TLK1: variants seen among roughly 807,000 people sequenced by gnomAD.
TLK1 encodes the protein serine/threonine-protein kinase tousled-like 1.
TLK1 carries 24 observed loss-of-function variants against 105.3 expected under a neutral mutation model. The ratio of observed to expected loss-of-function variants is 0.23; its 90% CI spans 0.17 to 0.32. The LOEUF (loss-of-function observed/expected upper bound fraction) is 0.32, where lower values mean the gene tolerates loss of function less well. Among genes scored for constraint, TLK1 ranks in the 10% least tolerant of loss-of-function variants. The probability of loss-of-function intolerance (pLI) is 1.00; values close to 1 mark genes in which losing one functional copy is unlikely to be tolerated. For synonymous variants in TLK1, 321 were observed against 310.4 expected (o/e 1.03, Z -0.36); for missense variants, 558 against 910.5 (o/e 0.61, Z 4.98).
At position 171,050,112 on chromosome 2, in the gene TLK1, T is replaced by C. The variant is rs1575552729; in HGVS notation, c.795A>G (p.Glu265=). 2 of 1,599,862 alleles carry C rather than the reference T, an allele frequency of 1.3e-6. No homozygotes were observed. The highest frequency in any genetic ancestry group is 1.7e-6 in the Non-Finnish European group (2 of 1,170,870). The change falls in exon 9 of 21, where the codon GAA becomes GAG. Residue 265 remains glutamate (E), a synonymous_variant. Coordinates refer to ENST00000431350, the MANE Select transcript of TLK1 (RefSeq NM_012290.5). ...TCATTGATATGCACTTATTTAATCG[T>C]TCTTTGTATTTTTCAAGTAATTTTT... ...EQQKLLEKYK[E]RLNKCISMSK...
intron 3 of TLK1, chr2:171,081,613 G>A: frequency 7.8e-7 from 1 of 1,286,454 alleles, no homozygotes; most frequent in Non-Finnish European, 1.0e-6. Context: ...CTGATAATCT[G>A]ATGCTACAGG....
intron 12 of TLK1, among the ~76,000 whole-genome samples, chr2:171,018,948 AACT>A (rs939714929): frequency 6.6e-6 from 1 of 152,190 alleles, no homozygotes; most frequent in African/African-American, 2.4e-5. Flanking sequence ...TTCAAACAAA[AACT>A]ACAATGGAAA....
chr2:171,063,584 A>G (rs767967840), intron 3 of TLK1, among the ~76,000 whole-genome samples: 1 of 152,216 alleles, frequency 6.6e-6, no homozygotes, highest in African/African-American at 2.4e-5. Flanking sequence ...ACAAAATGTT[A>G]TAATTCTGAA....
chr2:171,099,146 G>A (rs548354296), intron 2 of TLK1, among the ~76,000 whole-genome samples: 185 of 152,140 alleles, frequency 1.2e-3, no homozygotes, highest in African/African-American at 4.1e-3. Context: ...AACTATTAAA[G>A]CTAATAAGTT....
chr2:171,062,821 T>C (rs1297773052), intron 3 of TLK1, among the ~76,000 whole-genome samples: 1 of 152,216 alleles, frequency 6.6e-6, no homozygotes, highest in African/African-American at 2.4e-5. Flanking sequence ...AAACTCAATA[T>C]GTCCAATGAA....
At chr2:171,028,599 A>G (rs564234551) in intron 11 of TLK1, among the ~76,000 whole-genome samples, 194 bp from the exon 12 acceptor site, 28 of 152,348 alleles carry the variant, frequency 1.8e-4, no homozygotes, top group African/African-American at 5.5e-4. Context: ...AACTAATTCT[A>G]CAATGCTTTA....
In TLK1 at chr2:171,133,758, AT is replaced by A. The variant is rs552762859; in HGVS notation, c.140-15902del. ...AGGAGCAACATGTTTCAGACTTCTG[AT>A]TTTTTTTTTTTTTTAATATTTGAGT... On this transcript the variant is annotated intron_variant, in intron 1 of 20. Coordinates refer to ENST00000431350, the MANE Select transcript of TLK1 (RefSeq NM_012290.5). 9.9e-3 allele frequency among the ~76,000 whole-genome samples: 1,433 copies of A among 144,204 alleles called. 10 individuals carry two copies. The highest frequency in any genetic ancestry group is 0.017 in the African/African-American group (660 of 39,212). 94.6% of individuals were successfully genotyped at this position (144,204 alleles called of 152,430 possible).
At chr2:171,093,328 A>C (rs547479529) in intron 2 of TLK1, among the ~76,000 whole-genome samples, 3 of 152,206 alleles carry the variant, frequency 2.0e-5, no homozygotes, top group Non-Finnish European at 4.4e-5. Flanking sequence ...GGGACACAGG[A>C]GGTCCACCAG....
At chr2:171,038,354 G>A (rs1176123790) in intron 11 of TLK1, among the ~76,000 whole-genome samples, 17 of 151,894 alleles carry the variant, frequency 1.1e-4, no homozygotes, top group Non-Finnish European at 2.9e-5. Context: ...CCTCTTCTTT[G>A]GTTAATTCTC....
chr2:171,024,196 C>G (rs888382137), intron 12 of TLK1, among the ~76,000 whole-genome samples: 2 of 152,106 alleles, frequency 1.3e-5, no homozygotes, highest in South Asian at 2.1e-4. Context: ...AGTCTCCATA[C>G]ATTTTACTAT....
chr2:171,062,105 A>G (rs1329913738), intron 3 of TLK1, among the ~76,000 whole-genome samples: 1 of 152,210 alleles, frequency 6.6e-6, no homozygotes, highest in Non-Finnish European at 1.5e-5. Context: ...TAATACAAGT[A>G]ATTTTTCTGG....
At chr2:171,097,856 C>T (rs888067982) in intron 2 of TLK1, among the ~76,000 whole-genome samples, 6 of 150,854 alleles carry the variant, frequency 4.0e-5, no homozygotes, top group Admixed American at 2.7e-4. Flanking sequence ...ACCTGGGAGG[C>T]GGAGGCTGCA....
At chr2:171,123,815 A>AC (rs1690756990) in intron 1 of TLK1, among the ~76,000 whole-genome samples, 2 of 152,206 alleles carry the variant, frequency 1.3e-5, no homozygotes, top group African/African-American at 4.8e-5. Flanking sequence ...CTTTTGCTTA[A>AC]AAACAAACAA....
intron 7 of TLK1, chr2:171,054,874 C>T (rs985850572): frequency 8.7e-6 from 3 of 343,334 alleles, no homozygotes; most frequent in East Asian, 4.8e-5. Flanking sequence ...GACATGTTAA[C>T]GGTTGTTTAA....
intron 1 of TLK1, among the ~76,000 whole-genome samples, chr2:171,191,258 G>T (rs934983810): frequency 6.6e-6 from 1 of 151,950 alleles, no homozygotes; most frequent in South Asian, 2.1e-4. Context: ...TGCCCTTATG[G>T]CTCAAGAACC....
At chr2:171,193,699 C>CTTTTTT (rs1558986605) in intron 1 of TLK1, among the ~76,000 whole-genome samples, 3 of 103,226 alleles carry the variant, frequency 2.9e-5, no homozygotes, top group Admixed American at 1.3e-4. Flanking sequence ...CAGCGCCTGG[C>CTTTTTT]ATTTTTTTTT....
chr2:171,043,377 A>G (rs1329764443), intron 11 of TLK1, among the ~76,000 whole-genome samples: 1 of 152,230 alleles, frequency 6.6e-6, no homozygotes, highest in Non-Finnish European at 1.5e-5. Context: ...AGTGATGGCA[A>G]CAATGAGGCT....
At chr2:171,063,370 C>T (rs145622693) in intron 3 of TLK1, among the ~76,000 whole-genome samples, 291 of 152,006 alleles carry the variant, frequency 1.9e-3, no homozygotes, top group African/African-American at 6.3e-3. Context: ...CCCAAGTCTA[C>T]GTTAAAATAA....
chr2:171,169,027 G>A lies in TLK1; in HGVS notation c.-5-51170C>T, dbSNP rs931351733. On this transcript the variant is annotated intron_variant, in intron 1 of 20. Coordinates refer to the TLK1 transcript ENST00000521943. ...TGGGAGGCAGAGGTTGCAGTGAGCC[G>A]AGATCTCGCCACTGCACTCCAGCCT... is the stretch of plus-strand genomic sequence containing the variant. Among the ~76,000 whole-genome samples the A allele has an allele frequency of 5.9e-5, 9 of 151,684 alleles. 1 individual carries two copies. In the East Asian group the frequency reaches 9.7e-4, roughly 16 times the overall value.
Sources: gnomAD v4.1 joint callset for allele counts (sites outside exome capture counted in the v4.1 genomes callset) on GRCh38, gnomAD v4.1.1 for gene constraint, MANE v1.5 for transcripts, NCBI Gene and HGNC (gene_info 2026-07-23, HGNC 2026-07-21) for gene names.